Variants in DSG1 observed in about 807,000 individuals in gnomAD.
The protein encoded by DSG1 is desmoglein-1.
Under a neutral mutation model 97.5 loss-of-function variants are expected in DSG1, and 39 were observed. That is an observed-to-expected ratio of 0.40 (90% CI 0.31 to 0.52). DSG1 has a LOEUF of 0.52. Ranked by LOEUF, DSG1 falls within the 20% of genes least tolerant of loss-of-function variation. DSG1 has a pLI of 0.53. For missense variants in DSG1, 1,311 were observed against 1,295.4 expected (o/e 1.01, Z -0.18); for synonymous variants, 475 against 443.4 (o/e 1.07, Z -0.90).
At chr18:31,328,080 C>G in intron 3 of DSG1, 109 bp from the exon 4 acceptor site, 1 of 1,138,392 alleles carries the variant, frequency 8.8e-7, no homozygotes, top group South Asian at 1.5e-5. Flanking sequence ...GACAACATTT[C>G]CTAAATAACA....
chr18:31,355,225 C>T lies in DSG1; in HGVS notation c.3029C>T (p.Ala1010Val). The change falls in exon 15 of 15, where the codon GCC (alanine) becomes GTC (valine). Residue 1010 changes from alanine (A) to valine (V), a missense_variant. Ala to Val is a moderately conservative substitution (Grantham distance 64). Coordinates refer to ENST00000257192, the MANE Select transcript of DSG1 (RefSeq NM_001942.4). ...GGCCTGAGCAGCTTGGGAGGGACAG[C>T]CAGCATTGGCCACATGAGGAGTTCC... ...GIGLSSLGGT[A>V]SIGHMRSSSD... 1 of 1,604,756 alleles carries T rather than the reference C, an allele frequency of 6.2e-7. No homozygotes were observed. The highest frequency in any genetic ancestry group is 8.5e-7 in the Non-Finnish European group (1 of 1,173,880).
In DSG1 at chr18:31,354,369, G is replaced by A; in HGVS notation, c.2173G>A (p.Gly725Ser). Residue 725 changes from glycine to serine, a missense_variant, in exon 15 of 15, where the codon GGT becomes AGT. Physicochemically the swap from Gly to Ser is moderately conservative, Grantham distance 56. Transcript: ENST00000257192. ...NDCLLIYDIE[G>S]VGSPAGSVGC... ...CTGTTTGCTCATATATGACATCGAA[G>A]GTGTAGGTTCCCCTGCTGGCTCTGT... is the stretch of plus-strand genomic sequence containing the variant. 1.2e-6 allele frequency: 2 copies of A among 1,614,184 alleles called. No individual in the cohort carries two copies. Among genetic ancestry groups the A allele is most frequent in the Non-Finnish European group, 8.5e-7 (1 of 1,180,034 alleles).
chr18:31,340,150 T>C (rs2071780088), intron 11 of DSG1, 125 bp downstream of exon 11: 2 of 1,085,010 alleles, frequency 1.8e-6, no homozygotes, highest in Non-Finnish European at 2.7e-6. Flanking sequence ...ATAAAGAAAC[T>C]TCTGTGTTTG....
rs188967115 is a variant in DSG1, at chr18:31,325,094, G to A, written c.49-1487G>A. On this transcript the variant is annotated intron_variant, in intron 1 of 14. Transcript: ENST00000257192. ...AGTCCAAGAGTGACTTTGTATCAGA[G>A]TTTATTCTAGACTCTGAGCAACAGA... 7.9e-5 allele frequency among the ~76,000 whole-genome samples: 12 copies of A among 152,290 alleles called. 1 individual carries two copies. Among genetic ancestry groups the A allele is most frequent in the Middle Eastern group, 3.4e-3 (1 of 294 alleles).
intron 14 of DSG1, among the ~76,000 whole-genome samples, chr18:31,347,068 C>T (rs1429301122): frequency 6.6e-6 from 1 of 152,140 alleles, no homozygotes; most frequent in Admixed American, 6.5e-5. Context: ...GTTCCTGTCC[C>T]TGACATCGAC....
intron 1 of DSG1, among the ~76,000 whole-genome samples, chr18:31,325,433 C>A (rs2071679969): frequency 2.0e-5 from 3 of 152,184 alleles, no homozygotes; most frequent in African/African-American, 7.2e-5. Context: ...GTATGCCCAT[C>A]TCCCATCCCA....
At chr18:31,319,568 G>C (rs2071640946) in intron 1 of DSG1, among the ~76,000 whole-genome samples, 1 of 151,972 alleles carries the variant, frequency 6.6e-6, no homozygotes, top group African/African-American at 2.4e-5. Flanking sequence ...CTTAGGATTT[G>C]GTAGGGATCA....
rs199911116 is a variant in DSG1 at position 31,333,715 on chromosome 18, C to G, written c.811C>G (p.Gln271Glu). 59 of 1,613,534 alleles carry G rather than the reference C, an allele frequency of 3.7e-5. No homozygotes were observed. In the Admixed American group the frequency reaches 9.8e-4, roughly 27 times the overall value. ...CAATGATAATATCCCTTACATGGAACAGTCTTCAGTAAGTATTTGTTCTTG... is the reference window on the plus strand; with the variant it reads ...CAATGATAATATCCCTTACATGGAAGAGTCTTCAGTAAGTATTTGTTCTTG... ...DVNDNIPYME[Q>E]SSYTIEIQEN... Residue 271 changes from glutamine (Q) to glutamate (E), a missense_variant, in exon 7 of 15, where the codon CAG becomes GAG. Physicochemically the swap from Gln to Glu is conservative, Grantham distance 29. This residue lies in a region of DSG1 where 1,038 missense variants were observed against 964.6 expected (regional missense o/e 1.08). Coordinates refer to ENST00000257192, the MANE Select transcript of DSG1 (RefSeq NM_001942.4).
In DSG1 at chr18:31,338,335, CAGCTGACCTGCT is replaced by C; in HGVS notation, c.1292_1303del (p.Asp431_Ala434del). On this transcript the variant is annotated inframe_deletion, in exon 10 of 15. Transcript: ENST00000257192. ...TACAGGTATGTAATGGGAAATAATC[CAGCTGACCTGCT>C]AGCTGTTGATTCAAGAACAGGCAAA... 6.2e-7 allele frequency: 1 copy of C among 1,613,430 alleles called. No individual in the cohort carries two copies. The highest frequency in any genetic ancestry group is 8.5e-7 in the Non-Finnish European group (1 of 1,179,716).
chr18:31,353,278 G>C (rs974399895), intron 14 of DSG1, among the ~76,000 whole-genome samples: 1 of 151,466 alleles, frequency 6.6e-6, no homozygotes, highest in Non-Finnish European at 1.5e-5. Flanking sequence ...CAGTTAGGCT[G>C]CTCGGGGGTC....
Position 31,334,022 on chromosome 18 carries a change from C to T in DSG1, c.825C>T (p.Thr275=), listed in dbSNP as rs1356475508. Residue 275 remains threonine (T), a synonymous_variant, in exon 8 of 15, where the codon ACC becomes ACT. Transcript: ENST00000257192. ...NIPYMEQSSY[T]IEIQENTLNS... Reference sequence around the variant, plus strand: ...GTTTTCACTTCTTGTTTCAGTATACCATAGAAATTCAAGAAAATACTCTAA... The same window carrying T: ...GTTTTCACTTCTTGTTTCAGTATACTATAGAAATTCAAGAAAATACTCTAA... The T allele has an allele frequency of 1.3e-6, 2 of 1,599,298 alleles. No individual in the cohort carries two copies. Among genetic ancestry groups the T allele is most frequent in the Non-Finnish European group, 1.7e-6 (2 of 1,167,198 alleles).
rs570274624 is a variant in DSG1 at position 31,337,475 on chromosome 18, A to G, written c.1266-840A>G. ...ACCATGTTGGCCAGGTCAGTCTCGA[A>G]CTCCAGAGCTCAGGTGATCCACCCT... On this transcript the variant is annotated intron_variant, in intron 9 of 14. Coordinates refer to ENST00000257192, the MANE Select transcript of DSG1 (RefSeq NM_001942.4). 1.4e-4 allele frequency among the ~76,000 whole-genome samples: 22 copies of G among 151,916 alleles called. No individual in the cohort carries two copies. In the South Asian group the frequency reaches 2.7e-3, roughly 19 times the overall value.
chr18:31,351,170 CT>C, intron 14 of DSG1, among the ~76,000 whole-genome samples: 1 of 147,376 alleles, frequency 6.8e-6, no homozygotes, highest in East Asian at 2.0e-4. Context: ...TATGTTGTGT[CT>C]TTGTTCTCGT....
At chr18:31,352,818 C>T (rs2071910696) in intron 14 of DSG1, among the ~76,000 whole-genome samples, 1 of 145,108 alleles carries the variant, frequency 6.9e-6, no homozygotes, top group African/African-American at 2.8e-5. Context: ...TTTTCAGCTC[C>T]ATCAGCTCCT....
chr18:31,333,997 G>A lies in DSG1; in HGVS notation c.820-20G>A, dbSNP rs1283492990. 1 of 1,557,914 alleles carries A rather than the reference G, an allele frequency of 6.4e-7. No homozygotes were observed. The highest frequency in any genetic ancestry group is 1.4e-5 in the African/African-American group (1 of 73,616). ...CTCTTTCACACAGTTTGTGCTAAGA[G>A]TTTTCACTTCTTGTTTCAGTATACC... On this transcript the variant is annotated intron_variant, in intron 7 of 14. Coordinates refer to ENST00000257192, the MANE Select transcript of DSG1 (RefSeq NM_001942.4).
intron 3 of DSG1, 118 bp downstream of exon 3, chr18:31,327,123 A>G (rs2071690616): frequency 1.5e-6 from 2 of 1,314,084 alleles, no homozygotes; most frequent in Admixed American, 1.9e-5. Flanking sequence ...ACAGAACAGA[A>G]CTATAGTCAC....
chr18:31,320,861 G>A (rs1568038292), intron 1 of DSG1, among the ~76,000 whole-genome samples: 1 of 152,172 alleles, frequency 6.6e-6, no homozygotes, highest in South Asian at 2.1e-4. Context: ...AGAGCCAGAG[G>A]GATCTCTATG....
intron 11 of DSG1, among the ~76,000 whole-genome samples, chr18:31,341,102 G>A (rs772802496): frequency 1.3e-5 from 2 of 152,184 alleles, no homozygotes; most frequent in Non-Finnish European, 2.9e-5. Context: ...CCAGGTGGCT[G>A]TTAACATTAC....
Position 31,358,830 on chromosome 18 carries a change from T to C in DSG1, c.*3484T>C, listed in dbSNP as rs1305054392. Among the ~76,000 whole-genome samples, 2 of 152,096 alleles carry C rather than the reference T, an allele frequency of 1.3e-5. No homozygotes were observed. Among genetic ancestry groups the C allele is most frequent in the East Asian group, 3.9e-4 (2 of 5,194 alleles). On this transcript the variant is annotated 3_prime_UTR_variant, in exon 15 of 15. Transcript: ENST00000257192. ...TGCACTAGGATACAGCAGTCCACAG[T>C]AGAGTGCTACTCTCCTTGAAATCAA...
Sources: allele counts gnomAD v4.1 joint callset (sites outside exome capture counted in the v4.1 genomes callset), GRCh38; gene constraint gnomAD v4.1.1; regional missense constraint gnomAD v4.1.1; transcripts MANE v1.5; gene names NCBI Gene and HGNC (gene_info 2026-07-23, HGNC 2026-07-21).